FARP1: variants seen among roughly 807,000 people sequenced by gnomAD.
The protein encoded by FARP1 is FERM, ARH/RhoGEF and pleckstrin domain protein 1.
A neutral mutation model predicts 128.8 loss-of-function variants in FARP1; 52 were observed. The observed-to-expected ratio is 0.40, with a 90% CI of 0.32 to 0.51. The LOEUF (loss-of-function observed/expected upper bound fraction) is 0.51, where lower values mean the gene tolerates loss of function less well. FARP1 is among the 20% of genes least tolerant of loss of function. FARP1 has a pLI of 0.45. For synonymous variants in FARP1, 580 were observed against 551.8 expected (o/e 1.05, Z -0.72); for missense variants, 1,333 against 1,367.9 (o/e 0.97, Z 0.40).
intron 1 of FARP1, among the ~76,000 whole-genome samples, chr13:98,209,997 A>C (rs1216361431): frequency 2.7e-5 from 4 of 150,574 alleles, no homozygotes; most frequent in South Asian, 2.1e-4. Flanking sequence ...TAATAATAAT[A>C]ATCATAATAA....
intron 2 of FARP1, among the ~76,000 whole-genome samples, chr13:98,279,905 TC>T (rs1472743845): frequency 1.3e-5 from 2 of 152,092 alleles, no homozygotes; most frequent in Non-Finnish European, 2.9e-5. Flanking sequence ...CCCTCTGTCT[TC>T]CGGGTCTCCC....
At chr13:98,437,551 T>C (rs555794831) in intron 19 of FARP1, among the ~76,000 whole-genome samples, 36 of 152,320 alleles carry the variant, frequency 2.4e-4, no homozygotes, top group African/African-American at 8.4e-4. Flanking sequence ...GGGTGGTGTC[T>C]GTGCTGTGTG....
intron 2 of FARP1, among the ~76,000 whole-genome samples, chr13:98,321,650 C>T (rs994090917): frequency 3.3e-5 from 5 of 152,158 alleles, no homozygotes; most frequent in African/African-American, 9.7e-5. Flanking sequence ...ATTACCTGTG[C>T]GTGCTAAACG....
chr13:98,205,060 G>A (rs1165239798), intron 1 of FARP1, among the ~76,000 whole-genome samples: 1 of 152,196 alleles, frequency 6.6e-6, no homozygotes, highest in Non-Finnish European at 1.5e-5. Context: ...TTAAGCCTTG[G>A]ATGTTGCTGT....
chr13:98,243,520 C>T (rs538307757), intron 2 of FARP1, among the ~76,000 whole-genome samples: 192 of 151,414 alleles, frequency 1.3e-3, no homozygotes, highest in African/African-American at 4.5e-3. Context: ...ATAGTGAAAC[C>T]CTGTCTCTAC....
At chr13:98,211,239 G>T (rs1325754696) in intron 1 of FARP1, among the ~76,000 whole-genome samples, 2 of 152,184 alleles carry the variant, frequency 1.3e-5, no homozygotes, top group Non-Finnish European at 2.9e-5. Flanking sequence ...GAACTGGGCC[G>T]CACAGCAGGA....
intron 8 of FARP1, 33 bp downstream of exon 8, chr13:98,385,847 T>C (rs754466955): frequency 6.2e-7 from 1 of 1,609,270 alleles, no homozygotes; most frequent in South Asian, 1.1e-5. Context: ...CTGGTTCCCT[T>C]GGTGACAGAG....
intron 2 of FARP1, among the ~76,000 whole-genome samples, chr13:98,222,458 G>A (rs537475915): frequency 6.6e-6 from 1 of 152,238 alleles, no homozygotes; most frequent in Non-Finnish European, 1.5e-5. Flanking sequence ...ACTTGGCGCG[G>A]GTCAGAGTGC....
chr13:98,289,882 A>G (rs968001189), intron 2 of FARP1, among the ~76,000 whole-genome samples: 3 of 152,190 alleles, frequency 2.0e-5, no homozygotes, highest in African/African-American at 7.2e-5. Context: ...GAAAAAGAGC[A>G]CAGGAACTGT....
chr13:98,365,520 A>G (rs1459111281), intron 4 of FARP1, 83 bp downstream of exon 4: 8 of 968,448 alleles, frequency 8.3e-6, no homozygotes, highest in South Asian at 4.9e-5. Context: ...GCCCTGTGGC[A>G]TGAAGCACTA....
chr13:98,356,483 A>T (rs1004151878), intron 3 of FARP1, among the ~76,000 whole-genome samples: 1 of 152,202 alleles, frequency 6.6e-6, no homozygotes, highest in Non-Finnish European at 1.5e-5. Flanking sequence ...TATGCGGTGC[A>T]TGACTGTTTC....
At chr13:98,206,485 A>C (rs1428896159) in intron 1 of FARP1, among the ~76,000 whole-genome samples, 1 of 152,048 alleles carries the variant, frequency 6.6e-6, no homozygotes, top group African/African-American at 2.4e-5. Flanking sequence ...TTTATCTGAG[A>C]TCTGTAGCCA....
chr13:98,366,904 A>G (rs571462142), intron 4 of FARP1, among the ~76,000 whole-genome samples: 1 of 152,250 alleles, frequency 6.6e-6, no homozygotes, highest in Non-Finnish European at 1.5e-5. Flanking sequence ...AAACTTGAAT[A>G]TGTGATCACA....
intron 2 of FARP1, among the ~76,000 whole-genome samples, chr13:98,280,913 T>G (rs999804440): frequency 2.0e-5 from 3 of 152,260 alleles, no homozygotes; most frequent in African/African-American, 7.2e-5. Context: ...GAGGGATGTT[T>G]TTGTTAGGAG....
chr13:98,422,687 T>C (rs1566308586), intron 16 of FARP1, among the ~76,000 whole-genome samples: 1 of 152,172 alleles, frequency 6.6e-6, no homozygotes, highest in Non-Finnish European at 1.5e-5. Flanking sequence ...ACGATGACTT[T>C]TCTACCTCCT....
intron 1 of FARP1, among the ~76,000 whole-genome samples, chr13:98,163,260 C>T (rs1308966707): frequency 6.6e-6 from 1 of 151,998 alleles, no homozygotes; most frequent in Non-Finnish European, 1.5e-5. Context: ...TAAGTGGGCG[C>T]TAAATGAAGA....
intron 2 of FARP1, among the ~76,000 whole-genome samples, chr13:98,232,145 G>GTTTTTTTTTTTTTTTTTTTTTTT (rs59209045): frequency 1.2e-4 from 13 of 105,774 alleles, no homozygotes; most frequent in African/African-American, 2.7e-4. Flanking sequence ...TGTTTGGTTG[G>GTTTTTTTTTTTTTTTTTTTTTTT]TTTTTTTTTT....
intron 2 of FARP1, among the ~76,000 whole-genome samples, chr13:98,224,346 T>A (rs970325088): frequency 6.6e-6 from 1 of 151,262 alleles, no homozygotes; most frequent in Admixed American, 6.6e-5. Context: ...GCTAACATGG[T>A]GAAACCCCGT....
chr13:98,317,528 C>T (rs1468110176), intron 2 of FARP1, among the ~76,000 whole-genome samples: 2 of 152,204 alleles, frequency 1.3e-5, no homozygotes, highest in Non-Finnish European at 2.9e-5. Context: ...AAATCCCCTT[C>T]CTTATAGTCC....
Sources: allele counts gnomAD v4.1 joint callset (sites outside exome capture counted in the v4.1 genomes callset), GRCh38; gene constraint gnomAD v4.1.1; transcripts MANE v1.5; gene names NCBI Gene and HGNC (gene_info 2026-07-23, HGNC 2026-07-21).